DGAT2L6: variants seen among roughly 807,000 people sequenced by gnomAD.
DGAT2L6 encodes the protein diacylglycerol O-acyltransferase 2 like 6.
A neutral mutation model predicts 25.5 loss-of-function variants in DGAT2L6; 22 were observed. The observed-to-expected ratio is 0.86, with a 90% CI of 0.62 to 1.23. The LOEUF (loss-of-function observed/expected upper bound fraction) is 1.23. DGAT2L6 is among the 50% of genes most tolerant of loss of function. DGAT2L6 has a pLI of 0.00. For missense variants in DGAT2L6, 287 were observed against 253.2 expected (o/e 1.13, Z -0.91); for synonymous variants, 100 against 94.7 (o/e 1.06, Z -0.32).
chrX:70,200,538 C>T (rs949778671), intron 4 of DGAT2L6, 79 bp downstream of exon 4: 11 of 928,583 alleles, frequency 1.2e-5, no homozygotes, highest in Middle Eastern at 3.1e-4. Context: ...CAATCACTAC[C>T]TGCTTGAAGA....
intron 1 of DGAT2L6, among the ~76,000 whole-genome samples, chrX:70,185,724 G>A (rs886680018): frequency 9.0e-6 from 1 of 111,051 alleles, no homozygotes; most frequent in African/African-American, 3.3e-5. Flanking sequence ...TTTCATATGA[G>A]GTAGGCTCAT....
chrX:70,181,358 A>T (rs1485030937), intron 1 of DGAT2L6, among the ~76,000 whole-genome samples: 2 of 112,228 alleles, frequency 1.8e-5, no homozygotes, highest in Non-Finnish European at 1.9e-5. Context: ...CTTCTTTTAG[A>T]CTGATTAGCT....
chrX:70,185,144 C>T (rs2085355854), intron 1 of DGAT2L6, among the ~76,000 whole-genome samples: 1 of 111,271 alleles, frequency 9.0e-6, no homozygotes, highest in South Asian at 3.8e-4. Flanking sequence ...TGTACCACGG[C>T]TTCCTTAGGC....
At chrX:70,191,521 T>A (rs776293616) in intron 1 of DGAT2L6, among the ~76,000 whole-genome samples, 2 of 111,424 alleles carry the variant, frequency 1.8e-5, no homozygotes, top group African/African-American at 6.5e-5. Context: ...AAGGAACCTA[T>A]GGGACACAAT....
chrX:70,180,317 C>T lies in DGAT2L6; in HGVS notation c.85+2650C>T, dbSNP rs1298523168. Among the ~76,000 whole-genome samples, 3 of 110,267 alleles carry T rather than the reference C, an allele frequency of 2.7e-5. No homozygotes were observed. The South Asian group carries it at 1.2e-3, about 44-fold the overall frequency. On this transcript the variant is annotated intron_variant, in intron 1 of 6. Coordinates refer to ENST00000333026, the MANE Select transcript of DGAT2L6 (RefSeq NM_198512.3). ...TAGAAAAATTAGCTGTGTGTGGTGG[C>T]GCGTGCCTGTAGTCCTAGCTACTCG... is the stretch of plus-strand genomic sequence containing the variant.
rs774979160 is a variant in DGAT2L6, at chrX:70,181,995, TTCC to T, written c.85+4334_85+4336del. Among the ~76,000 whole-genome samples the T allele has an allele frequency of 3.6e-5, 4 of 111,804 alleles. No homozygotes were observed. The East Asian group carries it at 1.1e-3, about 31-fold the overall frequency. The stretch of plus-strand genomic sequence containing the variant: ...AGAAATGTCTGCCTTCCTCCCTTCC[TTCC>T]TCCTCTTCTTTCTCGCCTATCTTTC... On this transcript the variant is annotated intron_variant, in intron 1 of 6. Transcript: ENST00000333026.
At chrX:70,187,488 G>T (rs999312055) in intron 1 of DGAT2L6, among the ~76,000 whole-genome samples, 4 of 111,149 alleles carry the variant, frequency 3.6e-5, no homozygotes, top group African/African-American at 1.3e-4. Flanking sequence ...GATCCTAAGG[G>T]CCACAGGAAA....
intron 1 of DGAT2L6, among the ~76,000 whole-genome samples, chrX:70,196,503 G>GAAAAAAAAAGAAAAAAAAAAAA (rs1164024384): frequency 1.4e-5 from 1 of 70,585 alleles, no homozygotes; most frequent in Non-Finnish European, 2.8e-5. Flanking sequence ...AAAAAAAAAA[G>GAAAAAAAAAGAAAAAAAAAAAA]AAAGAAAAAA....
At chrX:70,186,500 A>C (rs1328817032) in intron 1 of DGAT2L6, among the ~76,000 whole-genome samples, 1 of 111,775 alleles carries the variant, frequency 8.9e-6, no homozygotes, top group Admixed American at 9.5e-5. Context: ...AGGCACAGAA[A>C]TGTGAATTAC....
intron 1 of DGAT2L6, among the ~76,000 whole-genome samples, chrX:70,184,418 AATG>A (rs1402715873): frequency 3.6e-5 from 4 of 110,509 alleles, no homozygotes; most frequent in Non-Finnish European, 7.6e-5. Flanking sequence ...CAGGAAGAAT[AATG>A]ATAACTAAAG....
At chrX:70,198,350 G>T (rs747368934) in intron 1 of DGAT2L6, among the ~76,000 whole-genome samples, 30 of 111,790 alleles carry the variant, frequency 2.7e-4, no homozygotes, top group African/African-American at 8.5e-4. Context: ...AGTGTTTTTT[G>T]TTGTTGTTGT....
chrX:70,202,196 C>T, intron 5 of DGAT2L6, 132 bp downstream of exon 5: 2 of 572,625 alleles, frequency 3.5e-6, no homozygotes, highest in Non-Finnish European at 4.9e-6. Flanking sequence ...TGTCTACCCC[C>T]TCACATTGTG....
chrX:70,187,114 C>T (rs1366564746), intron 1 of DGAT2L6, among the ~76,000 whole-genome samples: 2 of 111,792 alleles, frequency 1.8e-5, no homozygotes, highest in African/African-American at 3.3e-5. Context: ...AAATCAAGTC[C>T]TGGACCATAG....
At chrX:70,198,997 C>T (rs2085400461) in intron 1 of DGAT2L6, among the ~76,000 whole-genome samples, 1 of 112,129 alleles carries the variant, frequency 8.9e-6, no homozygotes, top group South Asian at 3.7e-4. Context: ...TTCACCAAGC[C>T]GTGCTGTCCT....
At chrX:70,198,205 T>G (rs2085397655) in intron 1 of DGAT2L6, among the ~76,000 whole-genome samples, 1 of 112,515 alleles carries the variant, frequency 8.9e-6, no homozygotes, top group Non-Finnish European at 1.9e-5. Context: ...TGCAGATTTT[T>G]TAAATGGAAT....
At chrX:70,183,107 T>C (rs2085348955) in intron 1 of DGAT2L6, among the ~76,000 whole-genome samples, 1 of 112,531 alleles carries the variant, frequency 8.9e-6, no homozygotes, top group Non-Finnish European at 1.9e-5. Flanking sequence ...TTTGATTACA[T>C]CCCTCTCCTG....
chrX:70,182,814 C>A (rs182060138), intron 1 of DGAT2L6, among the ~76,000 whole-genome samples: 1 of 111,689 alleles, frequency 9.0e-6, no homozygotes, highest in Non-Finnish European at 1.9e-5. Flanking sequence ...CCACGATGCC[C>A]GGCTAAGTTT....
At position 70,205,396 on chromosome X, in the gene DGAT2L6, G is replaced by C. The variant is rs1445071545; in HGVS notation, c.*290G>C. The C allele has an allele frequency of 1.2e-5, 3 of 249,152 alleles. No homozygotes were observed. Among genetic ancestry groups the C allele is most frequent in the African/African-American group, 8.5e-5 (3 of 35,314 alleles). 20.5% of individuals were successfully genotyped at this position (249,152 alleles called of 1,213,427 possible). A position where few individuals can be genotyped will look rare whatever the true frequency, so the allele number is the denominator to read the frequency against. ...TTATTTTAGGGCAACAACCCAGTTG[G>C]GGAGTCTTATGAATCATTCCAGCCA... is the stretch of plus-strand genomic sequence containing the variant. On this transcript the variant is annotated 3_prime_UTR_variant, in exon 7 of 7. Coordinates refer to ENST00000333026, the MANE Select transcript of DGAT2L6 (RefSeq NM_198512.3).
chrX:70,201,381 G>A (rs181628914), intron 4 of DGAT2L6, among the ~76,000 whole-genome samples: 250 of 112,028 alleles, frequency 2.2e-3, no homozygotes, highest in Non-Finnish European at 3.6e-3. Flanking sequence ...ATTCATCTAC[G>A]TTTCAGTTTG....
Sources: gnomAD v4.1 joint callset for allele counts (sites outside exome capture counted in the v4.1 genomes callset) on GRCh38, gnomAD v4.1.1 for gene constraint, MANE v1.5 for transcripts, NCBI Gene and HGNC (gene_info 2026-07-23, HGNC 2026-07-21) for gene names.